The following ZNF460 variants were observed in gnomAD, a reference collection of about 807,000 sequenced individuals.
ZNF460 encodes zinc finger protein 272.
ZNF460 carries 1 observed loss-of-function variant against 8.4 expected under a neutral mutation model. That is an observed-to-expected ratio of 0.12 (90% CI 0.04 to 0.56). ZNF460 has a LOEUF of 0.56. ZNF460 is among the 20% of genes least tolerant of loss of function. ZNF460 has a pLI of 0.91. For missense variants in ZNF460, 477 were observed against 714.8 expected (o/e 0.67, Z 3.79); for synonymous variants, 262 against 259.9 (o/e 1.01, Z -0.08).
rs188517962 is a variant in ZNF460 at position 57,290,027 on chromosome 19, C to G, written c.158-672C>G. 2.6e-5 allele frequency among the ~76,000 whole-genome samples: 4 copies of G among 152,062 alleles called. No homozygotes were observed. In the East Asian group the frequency reaches 7.8e-4, roughly 30 times the overall value. On this transcript the variant is annotated intron_variant, in intron 2 of 2. Transcript: ENST00000360338. ...TGGTGGCGCACACCTGTAATCCCAG[C>G]CACTTGGGAGGCTGATTCAGGAGAA... is the stretch of plus-strand genomic sequence containing the variant.
At chr19:57,289,044 G>T (rs1218824176) in intron 2 of ZNF460, among the ~76,000 whole-genome samples, 1 of 151,268 alleles carries the variant, frequency 6.6e-6, no homozygotes, top group Non-Finnish European at 1.5e-5. Flanking sequence ...GTTTCTCAGG[G>T]TTGTATTGAA....
intron 1 of ZNF460, among the ~76,000 whole-genome samples, chr19:57,282,552 T>G (rs974339990): frequency 2.0e-5 from 3 of 152,232 alleles, no homozygotes; most frequent in African/African-American, 7.2e-5. Flanking sequence ...TCTCTGCCCT[T>G]GTCCATGGGA....
Position 57,292,227 on chromosome 19 carries a change from G to A in ZNF460, c.1686G>A (p.Leu562=), listed in dbSNP as rs774230776. ...TCATAGTGGAAGAAACCCTACCATT[G>A]TAACAGATGTGGAAAGACTTTTTAC... ...NGFIVEETLP[L] The change falls in exon 3 of 3, where the codon TTG becomes TTA. Residue 562 remains leucine (L), a synonymous_variant. Coordinates refer to ENST00000360338, the MANE Select transcript of ZNF460 (RefSeq NM_006635.4). The A allele has an allele frequency of 1.9e-6, 3 of 1,607,496 alleles. No individual in the cohort carries two copies. The highest frequency in any genetic ancestry group is 2.6e-6 in the Non-Finnish European group (3 of 1,175,098).
At position 57,280,603 on chromosome 19, in the gene ZNF460, C is replaced by T. The variant is rs547483869; in HGVS notation, c.-204C>T. On this transcript the variant is annotated 5_prime_UTR_variant, in exon 1 of 3. Transcript: ENST00000360338. ...GGCGGGAGCCTGACGCCCCGCTTCTCCCCTAACGAGGTGTCCCACCGGCGC... is the reference window on the plus strand; with the variant it reads ...GGCGGGAGCCTGACGCCCCGCTTCTTCCCTAACGAGGTGTCCCACCGGCGC... 6.3e-6 allele frequency: 4 copies of T among 639,350 alleles called. No homozygotes were observed. The highest frequency in any genetic ancestry group is 1.8e-5 in the African/African-American group (1 of 54,372). The allele number at this position is 639,350 out of a possible 1,614,324, so 39.6% of individuals were successfully genotyped here. A position where few individuals can be genotyped will look rare whatever the true frequency, so the allele number is the denominator to read the frequency against.
intron 2 of ZNF460, among the ~76,000 whole-genome samples, chr19:57,285,629 G>C (rs1568499371): frequency 6.6e-6 from 1 of 152,086 alleles, no homozygotes; most frequent in Non-Finnish European, 1.5e-5. Context: ...CTTGGTAAAG[G>C]TTCTTTCTTT....
At position 57,290,860 on chromosome 19, in the gene ZNF460, T is replaced by C. The variant is rs765695196; in HGVS notation, c.319T>C (p.Leu107=). ...DGPSEMQEYF[L]RPGTDPQSEK... is the part of the protein sequence containing the mutation. ...GCCATCTGAAATGCAGGAATACTTT[T>C]TGAGACCAGGGACAGACCCACAGAG... The change falls in exon 3 of 3, where the codon TTG becomes CTG. Residue 107 remains leucine (L), a synonymous_variant. Coordinates refer to ENST00000360338, the MANE Select transcript of ZNF460 (RefSeq NM_006635.4). 4 of 1,614,154 alleles carry C rather than the reference T, an allele frequency of 2.5e-6. No individual in the cohort carries two copies. Among genetic ancestry groups the C allele is most frequent in the East Asian group, 4.5e-5 (2 of 44,868 alleles).
At chr19:57,285,916 A>T (rs928253046) in intron 2 of ZNF460, among the ~76,000 whole-genome samples, 1 of 152,146 alleles carries the variant, frequency 6.6e-6, no homozygotes, top group African/African-American at 2.4e-5. Flanking sequence ...CCAAGGTCTG[A>T]TGCCTCAGAG....
intron 1 of ZNF460, among the ~76,000 whole-genome samples, chr19:57,281,634 C>T (rs926075558): frequency 5.3e-4 from 73 of 139,008 alleles, no homozygotes; most frequent in African/African-American, 1.6e-3. Flanking sequence ...GGCGTGACCT[C>T]GGCTCACTGC....
chr19:57,280,823 T>G lies in ZNF460; in HGVS notation c.17T>G (p.Met6Arg). The stretch of plus-strand genomic sequence containing the variant: ...ATTCCCGGGATGGCGGCGGCGTGGA[T>G]GGCTCCGGCGCAGGTGAGTGGACGA... MAAAW[M>R]APAQESVTFE... The change falls in exon 1 of 3, where the codon ATG becomes AGG. Residue 6 changes from methionine (M) to arginine (R), a missense_variant. Coordinates refer to ENST00000360338, the MANE Select transcript of ZNF460 (RefSeq NM_006635.4). The G allele has an allele frequency of 6.2e-7, 1 of 1,614,120 alleles. No homozygotes were observed. The highest frequency in any genetic ancestry group is 8.5e-7 in the Non-Finnish European group (1 of 1,180,024).
chr19:57,290,564 C>T (rs1380018062), intron 2 of ZNF460, 135 bp from the exon 3 acceptor site: 16 of 885,278 alleles, frequency 1.8e-5, no homozygotes, highest in Non-Finnish European at 2.7e-5. Context: ...AGGGATGAGC[C>T]ACTGTACCCA....
At position 57,280,675 on chromosome 19, in the gene ZNF460, C is replaced by G; in HGVS notation, c.-132C>G. On this transcript the variant is annotated 5_prime_UTR_variant, in exon 1 of 3. Coordinates refer to ENST00000360338, the MANE Select transcript of ZNF460 (RefSeq NM_006635.4). Reference sequence around the variant, plus strand: ...CAGCCGCCCTCCGTCTCCTCAGCCCCGACGCTGCGCCTTGGGCCTTGTGCG... The same window carrying G: ...CAGCCGCCCTCCGTCTCCTCAGCCCGGACGCTGCGCCTTGGGCCTTGTGCG... 7.4e-7 allele frequency: 1 copy of G among 1,354,420 alleles called. No homozygotes were observed. Among genetic ancestry groups the G allele is most frequent in the Non-Finnish European group, 1.0e-6 (1 of 991,400 alleles). 83.9% of individuals were successfully genotyped at this position (1,354,420 alleles called of 1,614,324 possible).
intron 1 of ZNF460, among the ~76,000 whole-genome samples, chr19:57,283,147 T>G (rs201080121): frequency 1.2e-4 from 5 of 42,982 alleles, no homozygotes; most frequent in African/African-American, 6.1e-4. Flanking sequence ...GTTTGTTTGT[T>G]TTTTTTTTTT....
intron 2 of ZNF460, 33 bp downstream of exon 2, chr19:57,284,710 G>T: frequency 6.5e-7 from 1 of 1,546,248 alleles, no homozygotes; most frequent in Middle Eastern, 1.7e-4. Flanking sequence ...CAAAATCAGG[G>T]GCACCAGAAA....
chr19:57,281,881 A>C (rs1325968834), intron 1 of ZNF460: 1 of 152,148 alleles, frequency 6.6e-6, no homozygotes, highest in Non-Finnish European at 1.5e-5. Context: ...TGTTTTACAC[A>C]AGAGCAATTT....
intron 2 of ZNF460, among the ~76,000 whole-genome samples, chr19:57,289,098 A>G (rs2087898568): frequency 6.6e-6 from 1 of 151,966 alleles, no homozygotes; most frequent in Non-Finnish European, 1.5e-5. Context: ...TATATTATCA[A>G]TTTCTTCATT....
At position 57,292,141 on chromosome 19, in the gene ZNF460, G is replaced by A. The variant is rs773900560; in HGVS notation, c.1600G>A (p.Ala534Thr). 1.2e-6 allele frequency: 2 copies of A among 1,614,192 alleles called. No individual in the cohort carries two copies. The highest frequency in any genetic ancestry group is 3.3e-4 in the Middle Eastern group (2 of 6,062). ...IIHTESSPVS[A>T]VNMETPSIAA... Reference sequence around the variant, plus strand: ...CCACACTGAGAGTAGCCCAGTGAGTGCAGTGAATATGGAAACGCCTTCAAT... The same window carrying A: ...CCACACTGAGAGTAGCCCAGTGAGTACAGTGAATATGGAAACGCCTTCAAT... The change falls in exon 3 of 3, where the codon GCA becomes ACA. Residue 534 changes from alanine (A) to threonine (T), a missense_variant. Transcript: ENST00000360338.
At chr19:57,281,104 G>T (rs2087835598) in intron 1 of ZNF460, among the ~76,000 whole-genome samples, 1 of 152,106 alleles carries the variant, frequency 6.6e-6, no homozygotes, top group South Asian at 2.1e-4. Flanking sequence ...TTGCCTGCCA[G>T]CCCGTACCCC....
At chr19:57,283,275 T>C (rs989955128) in intron 1 of ZNF460, among the ~76,000 whole-genome samples, 7 of 151,872 alleles carry the variant, frequency 4.6e-5, no homozygotes, top group Admixed American at 3.9e-4. Flanking sequence ...GTTCAAGCGA[T>C]TCTCCTGCTT....
chr19:57,284,093 TA>T, intron 1 of ZNF460, among the ~76,000 whole-genome samples: 1 of 152,182 alleles, frequency 6.6e-6, no homozygotes, highest in Non-Finnish European at 1.5e-5. Flanking sequence ...CCCATTCCTC[TA>T]ATATGTCAGA....
Sources: gnomAD v4.1 joint callset for allele counts (sites outside exome capture counted in the v4.1 genomes callset) on GRCh38, gnomAD v4.1.1 for gene constraint, MANE v1.5 for transcripts, NCBI Gene and HGNC (gene_info 2026-07-23, HGNC 2026-07-21) for gene names.